The following GNAL variants were observed in gnomAD, a reference collection of about 807,000 sequenced individuals.
The protein encoded by GNAL is G protein subunit alpha L.
A neutral mutation model predicts 55.1 loss-of-function variants in GNAL; 18 were observed. The ratio of observed to expected loss-of-function variants is 0.33; its 90% CI spans 0.23 to 0.48. GNAL has a LOEUF of 0.48. Ranked by LOEUF, GNAL falls within the 20% of genes least tolerant of loss-of-function variation. The probability of loss-of-function intolerance (pLI) is 0.99; values close to 1 mark genes in which losing one functional copy is unlikely to be tolerated. For synonymous variants in GNAL, 253 were observed against 237.0 expected (o/e 1.07, Z -0.62); for missense variants, 412 against 614.1 (o/e 0.67, Z 3.48).
intron 5 of GNAL, chr18:11,851,267 G>C (rs2035853753): frequency 2.1e-6 from 1 of 477,502 alleles, no homozygotes; most frequent in African/African-American, 2.0e-5. Flanking sequence ...GGAGCGTCCA[G>C]CCAGAATCCC....
At chr18:11,760,389 G>A (rs946409208) in intron 4 of GNAL, among the ~76,000 whole-genome samples, 3 of 152,154 alleles carry the variant, frequency 2.0e-5, no homozygotes, top group Admixed American at 6.5e-5. Context: ...GTGAGGTCTG[G>A]TGCATGTTTT....
At chr18:11,694,558 G>A (rs1234465660) in intron 1 of GNAL, among the ~76,000 whole-genome samples, 1 of 152,180 alleles carries the variant, frequency 6.6e-6, no homozygotes, top group Non-Finnish European at 1.5e-5. Flanking sequence ...CAGTTAGAAG[G>A]CAGTGGTCAA....
At chr18:11,809,656 C>T (rs2034758713) in intron 4 of GNAL, among the ~76,000 whole-genome samples, 2 of 152,074 alleles carry the variant, frequency 1.3e-5, no homozygotes, top group African/African-American at 2.4e-5. Flanking sequence ...TCACTGGGCC[C>T]CACAAGGCAA....
At chr18:11,708,243 G>T (rs1367137852) in intron 1 of GNAL, among the ~76,000 whole-genome samples, 1 of 151,884 alleles carries the variant, frequency 6.6e-6, no homozygotes, top group Non-Finnish European at 1.5e-5. Context: ...AAGTGAGACA[G>T]TCTTCATTTG....
At chr18:11,736,899 A>G (rs762912944) in intron 1 of GNAL, among the ~76,000 whole-genome samples, 13 of 152,248 alleles carry the variant, frequency 8.5e-5, no homozygotes, top group Admixed American at 2.0e-4. Flanking sequence ...ACAAGGGCAT[A>G]CTGGTTCCAG....
chr18:11,693,114 T>C (rs2031305245), intron 1 of GNAL, among the ~76,000 whole-genome samples: 1 of 151,940 alleles, frequency 6.6e-6, no homozygotes, highest in African/African-American at 2.4e-5. Flanking sequence ...AATATAGTGT[T>C]GTTTTGATGT....
intron 4 of GNAL, among the ~76,000 whole-genome samples, chr18:11,807,619 G>A (rs1039844384): frequency 1.3e-5 from 2 of 152,242 alleles, no homozygotes; most frequent in African/African-American, 4.8e-5. Flanking sequence ...TTCAAGCAGT[G>A]ATGTCAGGCA....
chr18:11,788,930 TATATATAC>T (rs1317534655), intron 4 of GNAL, among the ~76,000 whole-genome samples: 13 of 133,796 alleles, frequency 9.7e-5, no homozygotes, highest in Non-Finnish European at 1.5e-4. Context: ...TATATATATA[TATATATAC>T]ACATATATAT....
chr18:11,816,969 C>T (rs2034973533), intron 4 of GNAL, among the ~76,000 whole-genome samples: 1 of 151,880 alleles, frequency 6.6e-6, no homozygotes, highest in Non-Finnish European at 1.5e-5. Context: ...ACAGAAGGAA[C>T]TGAGTGGTGG....
At chr18:11,796,390 A>T (rs2143471279) in intron 4 of GNAL, among the ~76,000 whole-genome samples, 1 of 151,396 alleles carries the variant, frequency 6.6e-6, no homozygotes, top group South Asian at 2.1e-4. Flanking sequence ...ATCCTGGCTA[A>T]CACGGTGAAA....
At chr18:11,877,371 C>T (rs2036557031) in intron 11 of GNAL, among the ~76,000 whole-genome samples, 1 of 152,162 alleles carries the variant, frequency 6.6e-6, no homozygotes, top group Admixed American at 6.5e-5. Flanking sequence ...AGGAGAATTG[C>T]TGAAACCCAG....
At chr18:11,858,532 A>T (rs1330671091) in intron 5 of GNAL, among the ~76,000 whole-genome samples, 5 of 152,180 alleles carry the variant, frequency 3.3e-5, no homozygotes, top group Non-Finnish European at 5.9e-5. Context: ...CTCTCTATGT[A>T]TGTAATCACA....
chr18:11,778,811 G>A (rs1321214385), intron 4 of GNAL, among the ~76,000 whole-genome samples: 2 of 151,916 alleles, frequency 1.3e-5, no homozygotes, highest in African/African-American at 4.8e-5. Context: ...AACCATGAGT[G>A]GGTCATGGTT....
chr18:11,782,447 A>G (rs973981680), intron 4 of GNAL, among the ~76,000 whole-genome samples: 1 of 152,242 alleles, frequency 6.6e-6, no homozygotes, highest in African/African-American at 2.4e-5. Context: ...TTTGTTTGTA[A>G]GGTTCAAAAA....
intron 1 of GNAL, among the ~76,000 whole-genome samples, chr18:11,734,085 C>T (rs1275321401): frequency 6.6e-6 from 1 of 151,752 alleles, no homozygotes; most frequent in Non-Finnish European, 1.5e-5. Context: ...TTTCCAGAGG[C>T]TCGGTGGTTT....
intron 5 of GNAL, among the ~76,000 whole-genome samples, chr18:11,858,214 AAC>A (rs1440462414): frequency 6.6e-6 from 1 of 152,220 alleles, no homozygotes; most frequent in Non-Finnish European, 1.5e-5. Context: ...TGAAAATGAA[AAC>A]ATTTCTGCAA....
chr18:11,823,747 C>G (rs955483219), intron 4 of GNAL, among the ~76,000 whole-genome samples: 2 of 152,150 alleles, frequency 1.3e-5, no homozygotes, highest in South Asian at 2.1e-4. Flanking sequence ...GGCCATGGAG[C>G]CTGAGAACCC....
At position 11,868,512 on chromosome 18, in the gene GNAL, C is replaced by T; in HGVS notation, c.911-31C>T. On this transcript the variant is annotated intron_variant, in intron 8 of 11. Coordinates refer to ENST00000334049, the MANE Select transcript of GNAL (RefSeq NM_182978.4). The surrounding 1 kb of genome is among the most constrained non-coding windows in gnomAD (Gnocchi z 4.0). ...GTAACTCCACAGTGAGGATGTCTAA[C>T]TGAGGTGCTTTCCTTTTTCTCCCCA... 6.3e-7 allele frequency: 1 copy of T among 1,593,120 alleles called. No homozygotes were observed. Among genetic ancestry groups the T allele is most frequent in the Non-Finnish European group, 8.6e-7 (1 of 1,168,826 alleles).
chr18:11,793,375 A>T (rs1193397579), intron 4 of GNAL, among the ~76,000 whole-genome samples: 2 of 152,064 alleles, frequency 1.3e-5, no homozygotes, highest in African/African-American at 4.8e-5. Flanking sequence ...CAGGAGTTTG[A>T]GACCAGCCTT....
Sources: gnomAD v4.1 joint callset for allele counts (sites outside exome capture counted in the v4.1 genomes callset) on GRCh38, gnomAD v4.1.1 for gene constraint, Gnocchi (gnomAD v3.1) non-coding constraint, MANE v1.5 for transcripts, NCBI Gene and HGNC (gene_info 2026-07-23, HGNC 2026-07-21) for gene names.